The following SPATA17 variants were observed in gnomAD, a reference collection of about 807,000 sequenced individuals.
The protein encoded by SPATA17 is spermatogenesis-associated protein 17.
A neutral mutation model predicts 62.2 loss-of-function variants in SPATA17; 53 were observed. The observed-to-expected ratio is 0.85, with a 90% CI of 0.68 to 1.07. The LOEUF (loss-of-function observed/expected upper bound fraction) is 1.07. Ranked by LOEUF, SPATA17 falls within the 50% of genes least tolerant of loss-of-function variation. The probability of loss-of-function intolerance (pLI) is 0.00; values close to 1 mark genes in which losing one functional copy is unlikely to be tolerated. For missense variants in SPATA17, 466 were observed against 425.5 expected (o/e 1.10, Z -0.84); for synonymous variants, 146 against 146.8 (o/e 0.99, Z 0.04).
chr1:217,850,723 T>C, intron 9 of SPATA17: 2 of 952,946 alleles, frequency 2.1e-6, no homozygotes, highest in Non-Finnish European at 1.6e-6. Flanking sequence ...GACAAAGCCA[T>C]TCACCCCTCC....
intron 1 of SPATA17, among the ~76,000 whole-genome samples, chr1:217,641,194 T>A (rs1023367060): frequency 1.3e-5 from 2 of 152,128 alleles, no homozygotes; most frequent in Admixed American, 6.6e-5. Flanking sequence ...GAACAATTAT[T>A]TTTAGGTATT....
intron 4 of SPATA17, among the ~76,000 whole-genome samples, chr1:217,681,902 G>T (rs560745356): frequency 6.6e-6 from 1 of 151,614 alleles, no homozygotes. Context: ...ATGGACTGGT[G>T]CTTAGTCTCC....
chr1:217,675,582 A>T lies in SPATA17; in HGVS notation c.291+6499A>T, dbSNP rs1018854580. Among the ~76,000 whole-genome samples, 8 of 152,194 alleles carry T rather than the reference A, an allele frequency of 5.3e-5. 1 individual carries two copies. Among genetic ancestry groups the T allele is most frequent in the African/African-American group, 1.9e-4 (8 of 41,424 alleles). ...TAGGCAAGAAAAAGATTGCCATGTCATGTATTGCCAAATCTTGGTAGGTCA... is the reference window on the plus strand; with the variant it reads ...TAGGCAAGAAAAAGATTGCCATGTCTTGTATTGCCAAATCTTGGTAGGTCA... On this transcript the variant is annotated intron_variant, in intron 4 of 10. Coordinates refer to ENST00000366933, the MANE Select transcript of SPATA17 (RefSeq NM_138796.4).
chr1:217,775,735 A>C (rs535742155), intron 7 of SPATA17, among the ~76,000 whole-genome samples: 8 of 152,172 alleles, frequency 5.3e-5, no homozygotes, highest in South Asian at 4.1e-4. Flanking sequence ...ATCTATCTAT[A>C]TATATATAGA....
chr1:217,756,726 A>G (rs1479232948), intron 6 of SPATA17, among the ~76,000 whole-genome samples: 1 of 152,234 alleles, frequency 6.6e-6, no homozygotes, highest in Non-Finnish European at 1.5e-5. Context: ...GCAAGGCTTC[A>G]TGGGTCCTTA....
At chr1:217,790,096 T>C (rs1337274440) in intron 8 of SPATA17, among the ~76,000 whole-genome samples, 1 of 152,126 alleles carries the variant, frequency 6.6e-6, no homozygotes, top group African/African-American at 2.4e-5. Context: ...TTAGGGGGAA[T>C]GACTTCCCCC....
intron 9 of SPATA17, among the ~76,000 whole-genome samples, chr1:217,817,635 C>T (rs1674754363): frequency 6.6e-6 from 1 of 152,032 alleles, no homozygotes; most frequent in Admixed American, 6.6e-5. Flanking sequence ...TGAGTGGAAA[C>T]ATACCAAATC....
At chr1:217,650,916 C>T (rs967504842) in intron 2 of SPATA17, among the ~76,000 whole-genome samples, 181 bp from the exon 3 acceptor site, 26 of 152,138 alleles carry the variant, frequency 1.7e-4, no homozygotes, top group African/African-American at 6.3e-4. Context: ...TTACCAATGC[C>T]GTTTTCTTCC....
At chr1:217,855,384 T>C (rs1675758532) in intron 9 of SPATA17, among the ~76,000 whole-genome samples, 1 of 152,234 alleles carries the variant, frequency 6.6e-6, no homozygotes. Flanking sequence ...AACTAACACA[T>C]TGTATCTAGT....
In SPATA17 at chr1:217,869,762, A is replaced by G. The variant is rs1251193245; in HGVS notation, c.*2743A>G. On this transcript the variant is annotated 3_prime_UTR_variant, in exon 11 of 11. Transcript: ENST00000366933. Reference sequence around the variant, plus strand: ...GTCCAATTCCCCATGCCCCACCCCCACCCCCACATCCTATAATGGCCTGAA... The same window carrying G: ...GTCCAATTCCCCATGCCCCACCCCCGCCCCCACATCCTATAATGGCCTGAA... 2 of 137,096 alleles carry G rather than the reference A, an allele frequency of 1.5e-5. No individual in the cohort carries two copies. Among genetic ancestry groups the G allele is most frequent in the African/African-American group, 5.3e-5 (2 of 37,410 alleles). 8.5% of individuals were successfully genotyped at this position (137,096 alleles called of 1,614,324 possible).
At chr1:217,806,034 A>G in intron 9 of SPATA17, among the ~76,000 whole-genome samples, 1 of 152,194 alleles carries the variant, frequency 6.6e-6, no homozygotes, top group East Asian at 1.9e-4. Flanking sequence ...GTGAAACCAG[A>G]CAAGTTACGT....
chr1:217,865,175 G>A (rs1675982453), intron 10 of SPATA17, among the ~76,000 whole-genome samples: 1 of 151,912 alleles, frequency 6.6e-6, no homozygotes, highest in South Asian at 2.1e-4. Flanking sequence ...GCCAAGATGG[G>A]GACACCTGCA....
At chr1:217,713,463 C>T (rs1198801850) in intron 5 of SPATA17, among the ~76,000 whole-genome samples, 1 of 152,128 alleles carries the variant, frequency 6.6e-6, no homozygotes, top group Admixed American at 6.5e-5. Context: ...CATTAGGGCA[C>T]CCGCAAACAC....
chr1:217,652,931 C>A (rs1156491764), intron 3 of SPATA17, among the ~76,000 whole-genome samples: 1 of 152,146 alleles, frequency 6.6e-6, no homozygotes, highest in African/African-American at 2.4e-5. Flanking sequence ...AAGTGAAACA[C>A]TGTACGTAAA....
intron 9 of SPATA17, among the ~76,000 whole-genome samples, chr1:217,809,163 A>G (rs1674520622): frequency 6.6e-6 from 1 of 152,216 alleles, no homozygotes; most frequent in African/African-American, 2.4e-5. Context: ...GGGGTAAGAC[A>G]TGCTGGAAAG....
chr1:217,802,879 A>G (rs1442304706), intron 9 of SPATA17, among the ~76,000 whole-genome samples: 6 of 152,104 alleles, frequency 3.9e-5, no homozygotes, highest in Non-Finnish European at 7.4e-5. Flanking sequence ...CTAAAGTCAT[A>G]TCTAAATCAT....
At chr1:217,733,925 T>C (rs1672451642) in intron 5 of SPATA17, among the ~76,000 whole-genome samples, 1 of 152,168 alleles carries the variant, frequency 6.6e-6, no homozygotes, top group South Asian at 2.1e-4. Flanking sequence ...GTATTTTCCC[T>C]TTGTGAAGGG....
chr1:217,773,021 G>A (rs1160837618), intron 6 of SPATA17, among the ~76,000 whole-genome samples: 2 of 152,066 alleles, frequency 1.3e-5, no homozygotes, highest in African/African-American at 2.4e-5. Context: ...ATAGGACATT[G>A]CATTTGGGAT....
At chr1:217,779,026 T>A (rs1414862566) in intron 7 of SPATA17, among the ~76,000 whole-genome samples, 1 of 151,914 alleles carries the variant, frequency 6.6e-6, no homozygotes, top group Non-Finnish European at 1.5e-5. Context: ...AATGTATGGA[T>A]GATGTATAGG....
Sources: allele counts gnomAD v4.1 joint callset (sites outside exome capture counted in the v4.1 genomes callset), GRCh38; gene constraint gnomAD v4.1.1; transcripts MANE v1.5; gene names NCBI Gene and HGNC (gene_info 2026-07-23, HGNC 2026-07-21).